Variants in TRRAP observed in about 807,000 individuals in gnomAD.
TRRAP encodes the protein transformation/transcription domain associated protein, also known as transformation/transcription domain-associated protein.
In TRRAP, 41 loss-of-function variants were observed where a neutral mutation model predicts 438.8. The ratio of observed to expected loss-of-function variants is 0.09; its 90% CI spans 0.07 to 0.12. The LOEUF (loss-of-function observed/expected upper bound fraction) is 0.12, where lower values mean the gene tolerates loss of function less well. Among genes scored for constraint, TRRAP ranks in the 10% least tolerant of loss-of-function variants. The probability of loss-of-function intolerance (pLI) is 1.00; values close to 1 mark genes in which losing one functional copy is unlikely to be tolerated. For missense variants in TRRAP, 3,122 were observed against 5,055.1 expected (o/e 0.62, Z 11.60); for synonymous variants, 1,994 against 1,962.9 (o/e 1.02, Z -0.42).
chr7:98,918,219 G>A (rs1367275498), intron 20 of TRRAP, among the ~76,000 whole-genome samples: 2 of 141,946 alleles, frequency 1.4e-5, no homozygotes, highest in African/African-American at 5.3e-5. Flanking sequence ...CTTCACGAGG[G>A]TTATATTCTT....
chr7:98,913,880 C>T (rs1028767761), intron 18 of TRRAP, among the ~76,000 whole-genome samples: 1 of 152,006 alleles, frequency 6.6e-6, no homozygotes, highest in Non-Finnish European at 1.5e-5. Context: ...AAATGCACTC[C>T]CTCTTGTGGC....
chr7:98,937,367 A>G, intron 29 of TRRAP, 90 bp downstream of exon 29: 11 of 1,492,846 alleles, frequency 7.4e-6, no homozygotes, highest in African/African-American at 1.4e-5. Flanking sequence ...GTTTATTGCT[A>G]TATAAACAGT....
In TRRAP at chr7:98,984,323, C is replaced by A; in HGVS notation, c.9253C>A (p.Leu3085Met). 1.3e-6 allele frequency: 2 copies of A among 1,598,638 alleles called. No individual in the cohort carries two copies. Residue 3085 changes from leucine (L) to methionine (M), a missense_variant, in exon 61 of 73, where the codon CTG becomes ATG. Leu to Met is a conservative substitution (Grantham distance 15). Transcript: ENST00000456197. ...ACAGCAAGTTAAATGCTACCTCCAG[C>A]TGGCAGGCGTCATGGGCAAAAACGA... is the stretch of plus-strand genomic sequence containing the variant. ...IRQQVKCYLQ[L>M]AGVMGKNECM... is the part of the protein sequence containing the mutation.
chr7:98,993,359 C>T (rs1034575953), intron 65 of TRRAP, among the ~76,000 whole-genome samples, 179 bp from the exon 66 acceptor site: 1 of 152,270 alleles, frequency 6.6e-6, no homozygotes, highest in African/African-American at 2.4e-5. Flanking sequence ...CCGCGTCCCT[C>T]AGCGCACCTG....
intron 18 of TRRAP, among the ~76,000 whole-genome samples, chr7:98,914,469 A>G (rs1789425387): frequency 1.3e-5 from 2 of 152,156 alleles, no homozygotes; most frequent in South Asian, 4.1e-4. Context: ...ATTATCCTCA[A>G]ATAATTCATT....
chr7:98,951,842 G>GTACTGA (rs1791350428), intron 39 of TRRAP, among the ~76,000 whole-genome samples: 1 of 152,164 alleles, frequency 6.6e-6, no homozygotes, highest in Non-Finnish European at 1.5e-5. Flanking sequence ...CTTGGTCCCC[G>GTACTGA]TACTGATATT....
At chr7:98,904,094 G>A (rs540686472) in intron 12 of TRRAP, among the ~76,000 whole-genome samples, 36 of 152,194 alleles carry the variant, frequency 2.4e-4, no homozygotes, top group South Asian at 4.1e-4. Flanking sequence ...ACTGGTGTGA[G>A]CCACTGCACC....
In TRRAP at chr7:98,961,443, G is replaced by A. The variant is rs1293205947; in HGVS notation, c.6672G>A (p.Ser2224=). 1.7e-5 allele frequency: 28 copies of A among 1,614,048 alleles called. No homozygotes were observed. In the Admixed American group the frequency reaches 2.8e-4, roughly 16 times the overall value. The part of the protein sequence containing the change: ...KVLRAVHSLL[S]RLMSIFPTEP... ...TGCGAGCCGTCCACAGCCTTCTCTC[G>A]CGCCTGATGAGCATTTTCCCAACAG... Residue 2224 remains serine (S), a synonymous_variant, in exon 46 of 73, where the codon TCG becomes TCA. Coordinates refer to ENST00000456197, the MANE Select transcript of TRRAP (RefSeq NM_001375524.1).
intron 70 of TRRAP, among the ~76,000 whole-genome samples, chr7:99,009,880 CT>C (rs138174570): frequency 0.03 from 2,885 of 96,684 alleles, 115 homozygotes; most frequent in African/African-American, 0.13. Flanking sequence ...TCATTCTTCT[CT>C]TTTTTTTTTT....
intron 43 of TRRAP, among the ~76,000 whole-genome samples, chr7:98,957,592 C>G (rs931045562): frequency 1.3e-5 from 2 of 152,192 alleles, no homozygotes; most frequent in Non-Finnish European, 2.9e-5. Context: ...CGGGCCATCC[C>G]TCTGCTCTCA....
chr7:98,986,570 T>C (rs1183971400), intron 62 of TRRAP, among the ~76,000 whole-genome samples: 1 of 152,230 alleles, frequency 6.6e-6, no homozygotes, highest in Non-Finnish European at 1.5e-5. Flanking sequence ...TTTTGATTGT[T>C]AGTTTGTAAT....
intron 27 of TRRAP, among the ~76,000 whole-genome samples, chr7:98,935,155 T>A (rs532676367): frequency 6.6e-6 from 1 of 152,260 alleles, no homozygotes; most frequent in South Asian, 2.1e-4. Flanking sequence ...AAAAGTGTGT[T>A]CACTTAAATA....
chr7:98,924,515 G>C (rs373983467), intron 21 of TRRAP, among the ~76,000 whole-genome samples: 1 of 151,790 alleles, frequency 6.6e-6, no homozygotes, highest in African/African-American at 2.4e-5. Flanking sequence ...GTGAAACCCC[G>C]TCTCTACTAA....
At chr7:98,891,390 TAA>T (rs1554404857) in intron 4 of TRRAP, among the ~76,000 whole-genome samples, 1 of 150,570 alleles carries the variant, frequency 6.6e-6, no homozygotes, top group Non-Finnish European at 1.5e-5. Flanking sequence ...TTTTGTACTT[TAA>T]TAGAGACCAT....
At chr7:98,945,203 G>A (rs1376111531) in intron 31 of TRRAP, among the ~76,000 whole-genome samples, 2 of 152,156 alleles carry the variant, frequency 1.3e-5, no homozygotes, top group Admixed American at 6.5e-5. Context: ...GGGAGAACGC[G>A]TGACCACTTG....
Position 99,012,429 on chromosome 7 carries a change from C to T in TRRAP, c.*74C>T. On this transcript the variant is annotated 3_prime_UTR_variant, in exon 73 of 73. Coordinates refer to ENST00000456197, the MANE Select transcript of TRRAP (RefSeq NM_001375524.1). This position sits in a 1 kb window ranked among gnomAD's most constrained non-coding sequence, Gnocchi z 5.9. The stretch of plus-strand genomic sequence containing the variant: ...AGCCCGCAGCTTTTACGACTTCTCC[C>T]TGCCTCGTTCCTTATATTCACAGAA... 1 of 1,459,198 alleles carries T rather than the reference C, an allele frequency of 6.9e-7. No individual in the cohort carries two copies. Among genetic ancestry groups the T allele is most frequent in the African/African-American group, 1.4e-5 (1 of 70,558 alleles). 90.4% of individuals were successfully genotyped at this position (1,459,198 alleles called of 1,614,324 possible).
Position 98,962,457 on chromosome 7 carries a change from G to A in TRRAP, c.6829+30G>A, listed in dbSNP as rs1281037610. 1.9e-6 allele frequency: 3 copies of A among 1,613,552 alleles called. No homozygotes were observed. The South Asian group carries it at 3.3e-5, about 18-fold the overall frequency. ...GTGTGTGTCTGTCCTGGTGTTCGTG[G>A]TGGCTCAGTTTGGCCTCTTTCCCCG... On this transcript the variant is annotated intron_variant, in intron 47 of 72. Coordinates refer to ENST00000456197, the MANE Select transcript of TRRAP (RefSeq NM_001375524.1).
At chr7:98,882,765 G>A (rs758133316) in intron 3 of TRRAP, among the ~76,000 whole-genome samples, 2 of 151,922 alleles carry the variant, frequency 1.3e-5, no homozygotes, top group African/African-American at 2.4e-5. Flanking sequence ...GGATTCAAGC[G>A]ATTCTCCTGC....
chr7:98,948,216 A>T lies in TRRAP; in HGVS notation c.4549-5A>T. ...CTGTTTATAATTTCTGGTTTTCTTG[A>T]TCAGGAAATGAAGATTTGCTCAGCA... On this transcript the variant is annotated splice_region_variant and splice_polypyrimidine_tract_variant and intron_variant, in intron 33 of 72. Transcript: ENST00000456197. This position sits in a 1 kb window ranked among gnomAD's most constrained non-coding sequence, Gnocchi z 4.9. The T allele has an allele frequency of 6.2e-7, 1 of 1,614,042 alleles. No individual in the cohort carries two copies. Among genetic ancestry groups the T allele is most frequent in the South Asian group, 1.1e-5 (1 of 91,072 alleles).
Sources: gnomAD v4.1 joint callset for allele counts (sites outside exome capture counted in the v4.1 genomes callset) on GRCh38, gnomAD v4.1.1 for gene constraint, Gnocchi (gnomAD v3.1) non-coding constraint, MANE v1.5 for transcripts, NCBI Gene and HGNC (gene_info 2026-07-23, HGNC 2026-07-21) for gene names.